The following UPK1B variants were observed in gnomAD, a reference collection of about 807,000 sequenced individuals.
UPK1B encodes the protein uroplakin-1b.
In UPK1B, 28 loss-of-function variants were observed where a neutral mutation model predicts 34.2. That is an observed-to-expected ratio of 0.82 (90% CI 0.61 to 1.12). UPK1B has a LOEUF of 1.12. Among genes scored for constraint, UPK1B ranks in the 50% most tolerant of loss-of-function variants. The probability of loss-of-function intolerance (pLI) is 0.00; values close to 1 mark genes in which losing one functional copy is unlikely to be tolerated. For synonymous variants in UPK1B, 81 were observed against 110.4 expected (o/e 0.73, Z 1.67); for missense variants, 325 against 320.9 (o/e 1.01, Z -0.10).
intron 4 of UPK1B, 57 bp downstream of exon 4, chr3:119,190,376 C>T: frequency 7.5e-7 from 1 of 1,329,382 alleles, no homozygotes; most frequent in Non-Finnish European, 1.1e-6. Context: ...TAACAACCAA[C>T]ATGTATTAAC....
At chr3:119,189,879 T>C (rs2078036328) in intron 3 of UPK1B, among the ~76,000 whole-genome samples, 1 of 152,244 alleles carries the variant, frequency 6.6e-6, no homozygotes, top group Non-Finnish European at 1.5e-5. Flanking sequence ...TGCCACTCAC[T>C]GAGCATGCAC....
chr3:119,196,141 CCTT>C (rs1476704574), intron 6 of UPK1B, among the ~76,000 whole-genome samples: 2 of 152,180 alleles, frequency 1.3e-5, no homozygotes, highest in East Asian at 3.8e-4. Context: ...TTCCTGTGCT[CCTT>C]GTTTCTCAAC....
intron 7 of UPK1B, among the ~76,000 whole-genome samples, chr3:119,202,993 G>A (rs1285324258): frequency 6.6e-6 from 1 of 152,116 alleles, no homozygotes; most frequent in Non-Finnish European, 1.5e-5. Flanking sequence ...GAGCAGGATG[G>A]ATTTGGTGTC....
chr3:119,192,218 T>A (rs1211391172), intron 5 of UPK1B, among the ~76,000 whole-genome samples: 6 of 152,188 alleles, frequency 3.9e-5, no homozygotes, highest in African/African-American at 1.4e-4. Flanking sequence ...GGACCTCCAA[T>A]TAATTGACCA....
intron 5 of UPK1B, among the ~76,000 whole-genome samples, chr3:119,191,524 C>G (rs2078044193): frequency 6.6e-6 from 1 of 152,096 alleles, no homozygotes; most frequent in African/African-American, 2.4e-5. Flanking sequence ...CATCATCACC[C>G]CCACATTGCC....
intron 5 of UPK1B, among the ~76,000 whole-genome samples, chr3:119,193,867 G>C (rs1374856219): frequency 6.6e-6 from 1 of 151,930 alleles, no homozygotes; most frequent in Non-Finnish European, 1.5e-5. Context: ...GCACTGTATT[G>C]AGCACATTAA....
At chr3:119,193,525 T>G (rs920187296) in intron 5 of UPK1B, among the ~76,000 whole-genome samples, 2 of 152,334 alleles carry the variant, frequency 1.3e-5, no homozygotes, top group Non-Finnish European at 2.9e-5. Flanking sequence ...AGGGATGTAT[T>G]AATTGGTCTC....
At chr3:119,198,943 T>C (rs987471180) in intron 6 of UPK1B, 114 bp from the exon 7 acceptor site, 15 of 1,141,110 alleles carry the variant, frequency 1.3e-5, no homozygotes, top group Non-Finnish European at 1.4e-5. Flanking sequence ...AGCCTGGATA[T>C]GTGAAATCAG....
At chr3:119,183,600 TC>T (rs2077999592) in intron 1 of UPK1B, among the ~76,000 whole-genome samples, 2 of 151,942 alleles carry the variant, frequency 1.3e-5, no homozygotes, top group African/African-American at 2.4e-5. Flanking sequence ...CAACAGCTTC[TC>T]CCCCTAGATC....
Position 119,194,289 on chromosome 3 carries a change from A to C in UPK1B, c.539A>C (p.Asn180Thr), listed in dbSNP as rs1365870809. Reference sequence around the variant, plus strand: ...ACATCTGCCTTCCGGACTGAGAATAATGATGCTGACTATCCCTGGCCTCGT... The same window carrying C: ...ACATCTGCCTTCCGGACTGAGAATACTGATGCTGACTATCCCTGGCCTCGT... ...KYTSAFRTEN[N>T]DADYPWPRQC... is the part of the protein sequence containing the mutation. Residue 180 changes from asparagine (N) to threonine (T), a missense_variant, in exon 6 of 8, where the codon AAT becomes ACT. Physicochemically the swap from Asn to Thr is moderately conservative, Grantham distance 65 (BLOSUM62 0). Transcript: ENST00000264234. The C allele has an allele frequency of 6.2e-7, 1 of 1,613,964 alleles. No individual in the cohort carries two copies. Among genetic ancestry groups the C allele is most frequent in the Non-Finnish European group, 8.5e-7 (1 of 1,179,954 alleles).
chr3:119,194,681 AT>A (rs1559903444), intron 6 of UPK1B, among the ~76,000 whole-genome samples: 4 of 152,252 alleles, frequency 2.6e-5, no homozygotes. Context: ...TGGAATTGGT[AT>A]GTCAAGAAAT....
intron 2 of UPK1B, 40 bp downstream of exon 2, chr3:119,186,850 G>C: frequency 6.3e-7 from 1 of 1,588,348 alleles, no homozygotes; most frequent in South Asian, 1.1e-5. Context: ...TGCACTTCCT[G>C]TAATCATAAT....
intron 4 of UPK1B, among the ~76,000 whole-genome samples, 165 bp from the exon 5 acceptor site, chr3:119,190,817 G>A (rs959004207): frequency 2.6e-5 from 4 of 152,160 alleles, no homozygotes; most frequent in East Asian, 1.9e-4. Context: ...TCTCTGCATG[G>A]GGACTTATGC....
At chr3:119,192,045 A>C (rs1433400695) in intron 5 of UPK1B, among the ~76,000 whole-genome samples, 1 of 151,896 alleles carries the variant, frequency 6.6e-6, no homozygotes, top group Non-Finnish European at 1.5e-5. Context: ...ACCCCATTCC[A>C]AAGATTTTGT....
Position 119,187,926 on chromosome 3 carries a change from T to C in UPK1B, c.221T>C (p.Val74Ala). The change falls in exon 3 of 8, where the codon GTT becomes GCT. Residue 74 changes from valine (V) to alanine (A), a missense_variant. Physicochemically the swap from Val to Ala is moderately conservative, Grantham distance 64. Coordinates refer to ENST00000264234, the MANE Select transcript of UPK1B (RefSeq NM_006952.4). ...GGCATCTGCCTCTTCTGCCTGTCTGTTCTAGGCATTGTAGGCATCATGAAG... is the reference window on the plus strand; with the variant it reads ...GGCATCTGCCTCTTCTGCCTGTCTGCTCTAGGCATTGTAGGCATCATGAAG... ...FVGICLFCLSVLGIVGIMKSS... is the reference protein window; with the variant it reads ...FVGICLFCLSALGIVGIMKSS... 1 of 1,614,138 alleles carries C rather than the reference T, an allele frequency of 6.2e-7. No homozygotes were observed. Among genetic ancestry groups the C allele is most frequent in the Non-Finnish European group, 8.5e-7 (1 of 1,180,014 alleles).
Position 119,194,232 on chromosome 3 carries a change from G to T in UPK1B, c.482G>T (p.Gly161Val), listed in dbSNP as rs756210595. The T allele has an allele frequency of 3.1e-6, 5 of 1,613,828 alleles. No homozygotes were observed. In the East Asian group the frequency reaches 1.1e-4, roughly 36 times the overall value. Residue 161 changes from glycine to valine, a missense_variant, in exon 6 of 8, where the codon GGC (glycine) becomes GTC (valine). Gly to Val is a moderately radical substitution (Grantham distance 109). Transcript: ENST00000264234. ...ATCTGCTGACAGGACAATTGCTGTG[G>T]CGTAAATGGTCCATCAGACTGGCAA... ...DRLMLQDNCC[G>V]VNGPSDWQKY...
chr3:119,190,439 A>G (rs1358280648), intron 4 of UPK1B, 120 bp downstream of exon 4: 2 of 623,638 alleles, frequency 3.2e-6, no homozygotes, highest in Non-Finnish European at 5.4e-6. Flanking sequence ...TACATCTATC[A>G]TTTTACTTAA....
intron 6 of UPK1B, among the ~76,000 whole-genome samples, chr3:119,197,797 G>T (rs1262240255): frequency 1.3e-5 from 2 of 152,198 alleles, no homozygotes; most frequent in Non-Finnish European, 2.9e-5. Context: ...AAATAAGGCA[G>T]GGTGAGTATA....
chr3:119,187,723 C>G, intron 2 of UPK1B, 52 bp from the exon 3 acceptor site: 1 of 1,578,834 alleles, frequency 6.3e-7, no homozygotes, highest in East Asian at 2.2e-5. Flanking sequence ...ACCCTCCACC[C>G]CCTTTCCCAA....
Sources: allele counts gnomAD v4.1 joint callset (sites outside exome capture counted in the v4.1 genomes callset), GRCh38; gene constraint gnomAD v4.1.1; transcripts MANE v1.5; gene names NCBI Gene and HGNC (gene_info 2026-07-23, HGNC 2026-07-21).